Variants in LNP1 observed in about 807,000 individuals in gnomAD.
The protein encoded by LNP1 is leukemia NUP98 fusion partner 1.
A neutral mutation model predicts 14.5 loss-of-function variants in LNP1; 12 were observed. That is an observed-to-expected ratio of 0.83 (90% CI 0.53 to 1.34). The LOEUF is 1.34. Ranked by LOEUF, LNP1 falls within the 40% of genes most tolerant of loss-of-function variation. The pLI is 0.00. For missense variants in LNP1, 198 were observed against 210.9 expected (o/e 0.94, Z 0.38); for synonymous variants, 75 against 71.4 (o/e 1.05, Z -0.26).
intron 1 of LNP1, among the ~76,000 whole-genome samples, chr3:100,428,131 C>T (rs1267859238): frequency 6.6e-6 from 1 of 152,154 alleles, no homozygotes; most frequent in Non-Finnish European, 1.5e-5. Flanking sequence ...TTGATTTTGC[C>T]GCTTAGTATT....
intron 2 of LNP1, among the ~76,000 whole-genome samples, chr3:100,435,414 C>T (rs1194739630): frequency 6.6e-6 from 1 of 152,200 alleles, no homozygotes; most frequent in Non-Finnish European, 1.5e-5. Context: ...GATCATAGTA[C>T]AGACCTCATA....
At chr3:100,426,463 A>G (rs1284021902) in intron 1 of LNP1, among the ~76,000 whole-genome samples, 3 of 152,222 alleles carry the variant, frequency 2.0e-5, no homozygotes, top group Admixed American at 2.0e-4. Flanking sequence ...GCTTTGTTCC[A>G]AGTCCAATTG....
intron 1 of LNP1, among the ~76,000 whole-genome samples, chr3:100,419,062 CT>C (rs1707118448): frequency 6.6e-6 from 1 of 152,180 alleles, no homozygotes; most frequent in Admixed American, 6.5e-5. Context: ...ACCCCACAAC[CT>C]GCACTTGGGA....
chr3:100,416,955 T>C (rs1333750570), intron 1 of LNP1, among the ~76,000 whole-genome samples: 1 of 152,094 alleles, frequency 6.6e-6, no homozygotes, highest in African/African-American at 2.4e-5. Flanking sequence ...CCCATTCAAA[T>C]TCATGTCTGC....
chr3:100,447,575 G>A (rs1707400079), intron 2 of LNP1, among the ~76,000 whole-genome samples: 1 of 151,444 alleles, frequency 6.6e-6, no homozygotes, highest in African/African-American at 2.4e-5. Context: ...TTGTGCACAT[G>A]TACCCTAGAA....
chr3:100,410,503 G>A (rs1487334996), intron 1 of LNP1, among the ~76,000 whole-genome samples: 4 of 152,294 alleles, frequency 2.6e-5, no homozygotes, highest in East Asian at 1.9e-4. Flanking sequence ...AGATATCTAA[G>A]TAAAGTATCA....
intron 1 of LNP1, among the ~76,000 whole-genome samples, chr3:100,428,634 G>A (rs1431311142): frequency 4.6e-5 from 7 of 151,618 alleles, no homozygotes; most frequent in Non-Finnish European, 1.0e-4. Flanking sequence ...TCTTTACTTT[G>A]AAAAAAATGC....
chr3:100,450,356 G>A (rs577805963), intron 2 of LNP1, among the ~76,000 whole-genome samples: 2 of 145,658 alleles, frequency 1.4e-5, no homozygotes, highest in South Asian at 2.1e-4. Flanking sequence ...TTTTTGAGAC[G>A]AAGTTTCACT....
chr3:100,453,188 T>C (rs1405951364), intron 3 of LNP1, among the ~76,000 whole-genome samples: 2 of 152,130 alleles, frequency 1.3e-5, no homozygotes, highest in Non-Finnish European at 2.9e-5. Flanking sequence ...TGACTTTTGC[T>C]CAGAGTGACC....
At chr3:100,438,080 C>A (rs1447828707) in intron 2 of LNP1, among the ~76,000 whole-genome samples, 1 of 152,138 alleles carries the variant, frequency 6.6e-6, no homozygotes, top group Non-Finnish European at 1.5e-5. Flanking sequence ...TGCACTAGGA[C>A]TCAATATGGG....
chr3:100,412,819 C>T (rs537539388), intron 1 of LNP1, among the ~76,000 whole-genome samples: 9 of 152,180 alleles, frequency 5.9e-5, no homozygotes, highest in Non-Finnish European at 1.2e-4. Flanking sequence ...CCCTGAAGGG[C>T]AGGGAGCATG....
intron 1 of LNP1, among the ~76,000 whole-genome samples, chr3:100,409,015 T>C (rs2148898602): frequency 6.6e-6 from 1 of 152,324 alleles, no homozygotes; most frequent in African/African-American, 2.4e-5. Flanking sequence ...TATTCCACCA[T>C]CTTGCTCTAC....
chr3:100,452,342 A>G (rs191286024), intron 3 of LNP1, among the ~76,000 whole-genome samples: 1 of 151,144 alleles, frequency 6.6e-6, no homozygotes, highest in East Asian at 2.0e-4. Context: ...AGCTGGGACT[A>G]CAGGCATGTG....
At chr3:100,442,776 A>T (rs1372559986) in intron 2 of LNP1, among the ~76,000 whole-genome samples, 2 of 152,076 alleles carry the variant, frequency 1.3e-5, no homozygotes, top group African/African-American at 4.8e-5. Context: ...TCCTTTTTTT[A>T]AAAATAAAAT....
intron 1 of LNP1, among the ~76,000 whole-genome samples, chr3:100,427,868 AAAATAAAAATGTTAGAAGATATGTT>A (rs1707209211): frequency 6.6e-6 from 1 of 152,232 alleles, no homozygotes; most frequent in Admixed American, 6.5e-5. Context: ...CCATTTGCAA[AAAATAAAAATGTTAGAAGATATGTT>A]AAGCTTTGGC....
chr3:100,409,801 G>T (rs966251684), intron 1 of LNP1, among the ~76,000 whole-genome samples: 3 of 151,134 alleles, frequency 2.0e-5, no homozygotes, highest in Non-Finnish European at 4.4e-5. Flanking sequence ...CACCATATTG[G>T]CCGGGCTGGT....
chr3:100,406,131 C>A (rs1174899781), intron 1 of LNP1, among the ~76,000 whole-genome samples: 2 of 152,178 alleles, frequency 1.3e-5, no homozygotes, highest in South Asian at 2.1e-4. Context: ...ACTAAAAATA[C>A]AAAAATTAGC....
intron 2 of LNP1, among the ~76,000 whole-genome samples, chr3:100,438,457 A>G (rs1310699588): frequency 1.3e-5 from 2 of 152,166 alleles, no homozygotes; most frequent in Non-Finnish European, 2.9e-5. Flanking sequence ...TGATGAACCC[A>G]TGCTGACACA....
intron 2 of LNP1, among the ~76,000 whole-genome samples, chr3:100,437,820 T>G (rs1317297622): frequency 6.6e-6 from 1 of 152,206 alleles, no homozygotes; most frequent in Non-Finnish European, 1.5e-5. Flanking sequence ...CACATGGAAA[T>G]AGAATAAAGT....
Sources: allele counts gnomAD v4.1 joint callset (sites outside exome capture counted in the v4.1 genomes callset), GRCh38; gene constraint gnomAD v4.1.1; transcripts MANE v1.5; gene names NCBI Gene and HGNC (gene_info 2026-07-23, HGNC 2026-07-21).